Variants in CELF4 observed in about 807,000 individuals in gnomAD.
The protein encoded by CELF4 is CUGBP Elav-like family member 4, also known as CUG-BP- and ETR-3-like factor 4.
A neutral mutation model predicts 59.9 loss-of-function variants in CELF4; 18 were observed. That is an observed-to-expected ratio of 0.30 (90% CI 0.21 to 0.45). The LOEUF (loss-of-function observed/expected upper bound fraction) is 0.45, where lower values mean the gene tolerates loss of function less well. Ranked by LOEUF, CELF4 falls within the 20% of genes least tolerant of loss-of-function variation. The pLI is 1.00. For synonymous variants in CELF4, 261 were observed against 267.1 expected (o/e 0.98, Z 0.22); for missense variants, 456 against 689.0 (o/e 0.66, Z 3.79).
chr18:37,314,369 C>T (rs2096786083), intron 3 of CELF4, among the ~76,000 whole-genome samples: 1 of 152,106 alleles, frequency 6.6e-6, no homozygotes, highest in Non-Finnish European at 1.5e-5. Context: ...GCAGGAGGAT[C>T]GCTTAAACCT....
intron 2 of CELF4, among the ~76,000 whole-genome samples, chr18:37,412,642 G>A (rs1224025662): frequency 1.3e-5 from 2 of 152,134 alleles, no homozygotes; most frequent in South Asian, 4.1e-4. Flanking sequence ...GTGCATGTGT[G>A]TATGAATGGG....
intron 2 of CELF4, among the ~76,000 whole-genome samples, chr18:37,473,024 C>A (rs753612855): frequency 1.7e-4 from 26 of 152,140 alleles, no homozygotes; most frequent in Non-Finnish European, 3.4e-4. Flanking sequence ...TTGAACATGT[C>A]TGTGACCAGA....
At chr18:37,275,047 G>A in intron 4 of CELF4, 68 bp downstream of exon 4, 1 of 1,579,512 alleles carries the variant, frequency 6.3e-7, no homozygotes, top group Non-Finnish European at 8.7e-7. Flanking sequence ...AGACTCAGAG[G>A]AGCCCTCTGG....
intron 2 of CELF4, among the ~76,000 whole-genome samples, chr18:37,338,541 G>C (rs538351540): frequency 3.9e-5 from 6 of 152,288 alleles, no homozygotes; most frequent in South Asian, 2.1e-4. Flanking sequence ...GTGGCGGGGG[G>C]GCTGTTCTGG....
intron 3 of CELF4, chr18:37,276,648 A>G (rs936335623): frequency 3.3e-5 from 5 of 152,082 alleles, no homozygotes; most frequent in Admixed American, 6.5e-5. Flanking sequence ...TTTCCAGCTG[A>G]GGCCCAGACA....
chr18:37,487,472 C>T (rs2099883553), intron 1 of CELF4, among the ~76,000 whole-genome samples: 1 of 152,186 alleles, frequency 6.6e-6, no homozygotes, highest in Non-Finnish European at 1.5e-5. Flanking sequence ...TTCCTCCAGA[C>T]CCCAGATCAC....
chr18:37,400,739 C>T (rs185633874), intron 2 of CELF4, among the ~76,000 whole-genome samples: 1 of 152,356 alleles, frequency 6.6e-6, no homozygotes. Context: ...AGAATGAATG[C>T]CGTTCATGGG....
chr18:37,363,153 T>C (rs1238734768), intron 2 of CELF4, among the ~76,000 whole-genome samples: 1 of 152,088 alleles, frequency 6.6e-6, no homozygotes, highest in Non-Finnish European at 1.5e-5. Flanking sequence ...CTACAGGGTC[T>C]GCTGGGAGGG....
At chr18:37,435,751 AG>A (rs1228673873) in intron 2 of CELF4, among the ~76,000 whole-genome samples, 2 of 152,172 alleles carry the variant, frequency 1.3e-5, no homozygotes, top group Non-Finnish European at 2.9e-5. Flanking sequence ...GTTCAGCCTC[AG>A]TTGACACCCC....
intron 1 of CELF4, among the ~76,000 whole-genome samples, chr18:37,552,655 C>A (rs576806827): frequency 6.6e-6 from 1 of 152,352 alleles, no homozygotes; most frequent in African/African-American, 2.4e-5. Flanking sequence ...ACTTGAGAAA[C>A]TAAGGGAGAA....
intron 3 of CELF4, among the ~76,000 whole-genome samples, chr18:37,311,788 C>A (rs372033078): frequency 1.4e-3 from 144 of 100,224 alleles, no homozygotes; most frequent in Admixed American, 1.6e-3. Flanking sequence ...GACTCCGTCT[C>A]AAAAAAAAAA....
chr18:37,249,374 C>T (rs1408295519), intron 12 of CELF4, among the ~76,000 whole-genome samples: 5 of 152,168 alleles, frequency 3.3e-5, no homozygotes, highest in Admixed American at 2.6e-4. Flanking sequence ...GCCCTGAGCC[C>T]TTCATGGGCG....
In CELF4 at chr18:37,565,320, C is replaced by T. The variant is rs201982113; in HGVS notation, c.286+36G>A. 31 of 1,468,664 alleles carry T rather than the reference C, an allele frequency of 2.1e-5. No individual in the cohort carries two copies. In the African/African-American group the frequency reaches 3.9e-4, roughly 18 times the overall value. 91.0% of individuals were successfully genotyped at this position (1,468,664 alleles called of 1,614,324 possible). A position where few individuals can be genotyped will look rare whatever the true frequency, so the allele number is the denominator to read the frequency against. ...CGGTCGGCCCGCCAGCCCGCTCCTGCTCCCCGGCAAAGTTGGGAGGGAAAG... is the reference window on the plus strand; with the variant it reads ...CGGTCGGCCCGCCAGCCCGCTCCTGTTCCCCGGCAAAGTTGGGAGGGAAAG... On this transcript the variant is annotated intron_variant, in intron 1 of 12. Transcript: ENST00000420428.
At chr18:37,344,209 A>G (rs1378388122) in intron 2 of CELF4, among the ~76,000 whole-genome samples, 1 of 152,248 alleles carries the variant, frequency 6.6e-6, no homozygotes, top group Non-Finnish European at 1.5e-5. Flanking sequence ...AACACCAGGT[A>G]AAAACCAGAT....
At chr18:37,442,635 TC>T (rs1446321532) in intron 2 of CELF4, among the ~76,000 whole-genome samples, 1 of 152,142 alleles carries the variant, frequency 6.6e-6, no homozygotes, top group Non-Finnish European at 1.5e-5. Flanking sequence ...AAGGTTGCTT[TC>T]AGTCCACCGG....
At chr18:37,494,204 G>A (rs2099922263) in intron 1 of CELF4, among the ~76,000 whole-genome samples, 1 of 152,194 alleles carries the variant, frequency 6.6e-6, no homozygotes, top group African/African-American at 2.4e-5. Context: ...TGCCCTAAAA[G>A]CTTGAGAATT....
At position 37,336,905 on chromosome 18, in the gene CELF4, G is replaced by A. The variant is rs182972377; in HGVS notation, c.370-15024C>T. Reference sequence around the variant, plus strand: ...CAGTGCTGTCACCCCAACCCCCGGCGGGGCTGCCGGGCTGGCCCCATGACC... The same window carrying A: ...CAGTGCTGTCACCCCAACCCCCGGCAGGGCTGCCGGGCTGGCCCCATGACC... On this transcript the variant is annotated intron_variant, in intron 2 of 12. Coordinates refer to ENST00000420428, the MANE Select transcript of CELF4 (RefSeq NM_020180.4). Among the ~76,000 whole-genome samples the A allele has an allele frequency of 1.9e-3, 284 of 151,720 alleles. 1 individual carries two copies. The highest frequency in any genetic ancestry group is 6.5e-3 in the African/African-American group (269 of 41,366).
At chr18:37,461,531 G>A (rs1215880655) in intron 2 of CELF4, among the ~76,000 whole-genome samples, 1 of 152,216 alleles carries the variant, frequency 6.6e-6, no homozygotes, top group African/African-American at 2.4e-5. Context: ...CCTCCCACCA[G>A]GTCCCTCCCA....
chr18:37,351,169 C>T (rs974814010), intron 2 of CELF4, among the ~76,000 whole-genome samples: 10 of 151,902 alleles, frequency 6.6e-5, no homozygotes, highest in South Asian at 2.1e-4. Context: ...TCTTGACAGC[C>T]GGAGATCCTG....
Sources: gnomAD v4.1 joint callset for allele counts (sites outside exome capture counted in the v4.1 genomes callset) on GRCh38, gnomAD v4.1.1 for gene constraint, MANE v1.5 for transcripts, NCBI Gene and HGNC (gene_info 2026-07-23, HGNC 2026-07-21) for gene names.